The following LARP1B variants were observed in gnomAD, a reference collection of about 807,000 sequenced individuals.
LARP1B encodes the protein La ribonucleoprotein 1B.
A neutral mutation model predicts 114.2 loss-of-function variants in LARP1B; 76 were observed. The observed-to-expected ratio is 0.67, with a 90% CI of 0.55 to 0.81. LARP1B has a LOEUF of 0.81. Ranked by LOEUF, LARP1B falls within the 30% of genes least tolerant of loss-of-function variation. The pLI is 0.00. For missense variants in LARP1B, 1,014 were observed against 1,075.8 expected (o/e 0.94, Z 0.80); for synonymous variants, 345 against 348.0 (o/e 0.99, Z 0.10).
intron 1 of LARP1B, among the ~76,000 whole-genome samples, chr4:128,071,538 C>T (rs745810314): frequency 1.3e-5 from 2 of 151,030 alleles, no homozygotes; most frequent in Non-Finnish European, 2.9e-5. Flanking sequence ...TCTTCTGCCT[C>T]AGCCTCCCGA....
downstream of LARP1B, among the ~76,000 whole-genome samples, chr4:128,213,035 C>T (rs185163754): frequency 1.9e-4 from 28 of 150,854 alleles, no homozygotes; most frequent in African/African-American, 6.8e-4. Flanking sequence ...TCTCCCGCCT[C>T]AGCCTTCCGA....
chr4:128,196,664 G>A (rs1013597599), intron 15 of LARP1B, among the ~76,000 whole-genome samples: 21 of 151,290 alleles, frequency 1.4e-4, no homozygotes, highest in African/African-American at 4.1e-4. Flanking sequence ...GTGCAATCTC[G>A]GCTCACTGCA....
At chr4:128,155,848 C>T (rs1735346563) in intron 11 of LARP1B, 6 of 1,570,820 alleles carry the variant, frequency 3.8e-6, no homozygotes, top group Non-Finnish European at 5.3e-6. Flanking sequence ...GATCGAGGAG[C>T]TGCAGAAGCA....
chr4:128,098,795 T>TTTA (rs1779212355), intron 8 of LARP1B, among the ~76,000 whole-genome samples: 1 of 100,618 alleles, frequency 9.9e-6, no homozygotes, highest in South Asian at 3.5e-4. Flanking sequence ...TTTTTTTTTT[T>TTTA]AAGACAGTGT....
intron 15 of LARP1B, among the ~76,000 whole-genome samples, chr4:128,191,193 T>A: frequency 6.6e-6 from 1 of 152,194 alleles, no homozygotes. Flanking sequence ...TGGATTTTGC[T>A]GAGTGTCTGT....
intron 9 of LARP1B, chr4:128,108,913 A>C (rs995121754): frequency 1.2e-5 from 11 of 891,796 alleles, no homozygotes; most frequent in Non-Finnish European, 1.5e-5. Context: ...AATGTTGTAC[A>C]TTTTTGTGTT....
intron 1 of LARP1B, among the ~76,000 whole-genome samples, chr4:128,062,896 T>G (rs1265263780): frequency 1.3e-5 from 2 of 152,132 alleles, no homozygotes; most frequent in Non-Finnish European, 2.9e-5. Flanking sequence ...ACATGTACCC[T>G]AAAACTTTAA....
Position 128,074,915 on chromosome 4 carries a change from CTTAT to C in LARP1B, c.-18-16_-18-13del. On this transcript the variant is annotated splice_polypyrimidine_tract_variant and intron_variant, in intron 2 of 19. Coordinates refer to ENST00000326639, the MANE Select transcript of LARP1B (RefSeq NM_018078.4). ...TCTAAAAGTAATTTCAGACCTAACA[CTTAT>C]TTGTTACTTCTTAGGCTAGTGATTT... 1 of 1,553,902 alleles carries C rather than the reference CTTAT, an allele frequency of 6.4e-7. No homozygotes were observed. The highest frequency in any genetic ancestry group is 8.8e-7 in the Non-Finnish European group (1 of 1,134,620).
At chr4:128,180,447 T>C (rs772260902) in intron 15 of LARP1B, among the ~76,000 whole-genome samples, 12 of 152,238 alleles carry the variant, frequency 7.9e-5, no homozygotes, top group Non-Finnish European at 1.6e-4. Flanking sequence ...TTGTTAGTGA[T>C]ACACATTTGA....
intron 5 of LARP1B, among the ~76,000 whole-genome samples, chr4:128,083,206 A>G (rs1038282043): frequency 6.6e-6 from 1 of 152,170 alleles, no homozygotes; most frequent in African/African-American, 2.4e-5. Flanking sequence ...AAAGTCTCCC[A>G]TGTCTACTAC....
Position 128,077,249 on chromosome 4 carries a change from G to A in LARP1B, c.43-539G>A, listed in dbSNP as rs551953375. Among the ~76,000 whole-genome samples the A allele has an allele frequency of 6.6e-4, 100 of 152,128 alleles. 1 individual carries two copies. Among genetic ancestry groups the A allele is most frequent in the African/African-American group, 2.3e-3 (97 of 41,526 alleles). ...TGCAATGGGTCATGCGTGTATCGCA[G>A]CACTTTGGGAGGCTGAGGACGGTGA... On this transcript the variant is annotated intron_variant, in intron 3 of 19. Transcript: ENST00000326639.
At chr4:128,093,269 A>G (rs2149598085) in intron 7 of LARP1B, among the ~76,000 whole-genome samples, 1 of 152,210 alleles carries the variant, frequency 6.6e-6, no homozygotes, top group Middle Eastern at 3.4e-3. Context: ...AGGCTGATTG[A>G]TTGAGGTTTT....
intron 9 of LARP1B, among the ~76,000 whole-genome samples, chr4:128,111,767 C>T (rs1052586745): frequency 1.1e-4 from 16 of 152,122 alleles, no homozygotes; most frequent in South Asian, 6.2e-4. Context: ...CTGCAACCTC[C>T]GCCTCCTGGG....
intron 15 of LARP1B, among the ~76,000 whole-genome samples, chr4:128,189,494 G>C (rs1578512276): frequency 1.3e-5 from 2 of 151,554 alleles, no homozygotes; most frequent in African/African-American, 4.8e-5. Context: ...TATATCTTTT[G>C]GTTGGAGAAT....
chr4:128,060,834 C>G (rs1407294346), upstream of LARP1B, among the ~76,000 whole-genome samples: 1 of 151,492 alleles, frequency 6.6e-6, no homozygotes, highest in Non-Finnish European at 1.5e-5. Context: ...GCCAAGCGGC[C>G]GGGCCGCGGA....
intron 11 of LARP1B, among the ~76,000 whole-genome samples, chr4:128,130,297 T>G (rs1431943646): frequency 6.6e-6 from 1 of 151,996 alleles, no homozygotes; most frequent in African/African-American, 2.4e-5. Context: ...CTATTAAGAC[T>G]AAGAAAACAG....
At chr4:128,078,409 A>G (rs1033856087) in intron 4 of LARP1B, among the ~76,000 whole-genome samples, 2 of 151,978 alleles carry the variant, frequency 1.3e-5, no homozygotes, top group Non-Finnish European at 2.9e-5. Context: ...TGAGGTCAGG[A>G]GACATGGTGA....
Position 128,199,614 on chromosome 4 carries a change from CT to C in LARP1B, c.2164+18del. The C allele has an allele frequency of 2.9e-6, 4 of 1,385,046 alleles. No individual in the cohort carries two copies. The highest frequency in any genetic ancestry group is 3.9e-6 in the Non-Finnish European group (4 of 1,037,248). 85.8% of individuals were successfully genotyped at this position (1,385,046 alleles called of 1,614,324 possible). A position where few individuals can be genotyped will look rare whatever the true frequency, so the allele number is the denominator to read the frequency against. ...ATGCCTAAGTGGTAAGATGCTTGTC[CT>C]TTATCTATCTAATATATTTAAAATT... On this transcript the variant is annotated intron_variant, in intron 16 of 19. Coordinates refer to ENST00000326639, the MANE Select transcript of LARP1B (RefSeq NM_018078.4).
intron 8 of LARP1B, among the ~76,000 whole-genome samples, chr4:128,105,459 T>C (rs1781753437): frequency 6.6e-6 from 1 of 152,200 alleles, no homozygotes; most frequent in African/African-American, 2.4e-5. Flanking sequence ...GAGGAAAATA[T>C]ATGTTGGGAA....
Sources: allele counts gnomAD v4.1 joint callset (sites outside exome capture counted in the v4.1 genomes callset), GRCh38; gene constraint gnomAD v4.1.1; transcripts MANE v1.5; gene names NCBI Gene and HGNC (gene_info 2026-07-23, HGNC 2026-07-21).